The following RHBDD1 variants were observed in gnomAD, a reference collection of about 807,000 sequenced individuals.
The protein encoded by RHBDD1 is rhomboid domain containing 1.
In RHBDD1, 38 loss-of-function variants were observed where a neutral mutation model predicts 36.3. That is an observed-to-expected ratio of 1.05 (90% confidence interval 0.81 to 1.37). The LOEUF is 1.37. RHBDD1 is among the 40% of genes most tolerant of loss of function. RHBDD1 has a pLI of 0.00. For synonymous variants in RHBDD1, 151 were observed against 136.5 expected, an observed-to-expected ratio of 1.11 and a Z score of -0.74; for missense variants, 393 against 377.6, an observed-to-expected ratio of 1.04 and a Z score of -0.34.
At chr2:226,895,702 A>G in intron 5 of RHBDD1, 1 of 984,840 alleles carries the variant, frequency 1.0e-6, no homozygotes, top group Non-Finnish European at 1.2e-6. Context: ...AAAGAAGCTT[A>G]GTAATACTGC....
intron 5 of RHBDD1, chr2:226,867,723 AT>A: frequency 1.1e-6 from 1 of 896,246 alleles, no homozygotes; most frequent in African/African-American, 1.8e-5. Context: ...TATTATTATT[AT>A]TCTTTTTTTT....
intron 3 of RHBDD1, among the ~76,000 whole-genome samples, chr2:226,863,090 G>A (rs1447868752): frequency 1.3e-5 from 2 of 152,220 alleles, no homozygotes; most frequent in Admixed American, 6.5e-5. Flanking sequence ...GCTCATGCCT[G>A]TAATCCCAGC....
intron 8 of RHBDD1, among the ~76,000 whole-genome samples, chr2:226,990,904 G>GC (rs1958044053): frequency 6.6e-6 from 1 of 152,178 alleles, no homozygotes; most frequent in African/African-American, 2.4e-5. Context: ...GTTCTTTGGA[G>GC]CAGGGCCGTT....
intron 5 of RHBDD1, among the ~76,000 whole-genome samples, chr2:226,876,159 T>C (rs1945222257): frequency 6.6e-6 from 1 of 152,172 alleles, no homozygotes; most frequent in African/African-American, 2.4e-5. Context: ...ATGCTTGTAG[T>C]CAGAATGGAC....
intron 3 of RHBDD1, among the ~76,000 whole-genome samples, chr2:226,850,377 A>C (rs1942689864): frequency 6.6e-6 from 1 of 152,204 alleles, no homozygotes; most frequent in African/African-American, 2.4e-5. Context: ...GGTTTCAGAG[A>C]GGTCTTTTAG....
the RHBDD1 span, chr2:226,808,401 C>T: frequency 1.3e-5 from 2 of 152,154 alleles, no homozygotes; most frequent in African/African-American, 4.8e-5. Flanking sequence ...TTCTATGGGC[C>T]AGGAATTCAG....
intron 8 of RHBDD1, among the ~76,000 whole-genome samples, chr2:226,950,791 C>T (rs1951365758): frequency 6.6e-6 from 1 of 152,170 alleles, no homozygotes; most frequent in African/African-American, 2.4e-5. Context: ...TGAGAGATGT[C>T]TGTTCAGGTC....
At chr2:226,963,205 A>T (rs1037850923) in intron 8 of RHBDD1, among the ~76,000 whole-genome samples, 13 of 152,010 alleles carry the variant, frequency 8.6e-5, no homozygotes, top group Admixed American at 2.0e-4. Context: ...ATCCAGTAAA[A>T]CTTCTATATA....
rs1460125977 is a variant in RHBDD1, at chr2:226,998,999, G to A, written c.*3477G>A. ...GATCCTCCTCATCCAGCCCCCATCT[G>A]AATCCTGTAACAGACACAACCACAT... On this transcript the variant is annotated 3_prime_UTR_variant, in exon 9 of 9. Coordinates refer to ENST00000392062, the MANE Select transcript of RHBDD1 (RefSeq NM_001167608.3). The A allele has an allele frequency of 1.3e-5, 2 of 149,948 alleles. No homozygotes were observed. The highest frequency in any genetic ancestry group is 4.9e-5 in the African/African-American group (2 of 40,574). The allele number at this position is 149,948 out of a possible 1,614,324, so 9.3% of individuals were successfully genotyped here. A position where few individuals can be genotyped will look rare whatever the true frequency, so the allele number is the denominator to read the frequency against.
chr2:226,989,949 G>A (rs1451125890), intron 8 of RHBDD1, among the ~76,000 whole-genome samples: 2 of 152,182 alleles, frequency 1.3e-5, no homozygotes, highest in Non-Finnish European at 2.9e-5. Flanking sequence ...AATCTCCACT[G>A]TTGCAGTCTT....
At chr2:226,987,428 C>G (rs554576137) in intron 8 of RHBDD1, among the ~76,000 whole-genome samples, 3 of 152,326 alleles carry the variant, frequency 2.0e-5, no homozygotes, top group Admixed American at 6.5e-5. Flanking sequence ...ATGGCTGCTT[C>G]TGTGCCCAGC....
In RHBDD1 at chr2:226,996,476, C is replaced by T. The variant is rs1266454547; in HGVS notation, c.*954C>T. The T allele has an allele frequency of 2.6e-5, 4 of 152,218 alleles. No individual in the cohort carries two copies. Among genetic ancestry groups the T allele is most frequent in the Non-Finnish European group, 5.9e-5 (4 of 68,052 alleles). 9.4% of individuals were successfully genotyped at this position (152,218 alleles called of 1,614,324 possible). ...CAATCCACAGATTGTCTGTCTGAGT[C>T]GTTTAAGGCATTTCCTGGTGCTTGT... On this transcript the variant is annotated 3_prime_UTR_variant, in exon 9 of 9. Coordinates refer to ENST00000392062, the MANE Select transcript of RHBDD1 (RefSeq NM_001167608.3).
the RHBDD1 span, among the ~76,000 whole-genome samples, chr2:226,816,012 T>G: frequency 6.6e-6 from 1 of 152,230 alleles, no homozygotes; most frequent in South Asian, 2.1e-4. Context: ...ATGATGCTGA[T>G]AGCATGTCTG....
At chr2:226,839,073 C>G (rs1284577969) in intron 2 of RHBDD1, among the ~76,000 whole-genome samples, 1 of 152,112 alleles carries the variant, frequency 6.6e-6, no homozygotes, top group East Asian at 1.9e-4. Context: ...TTCTTAATAG[C>G]AAAGTGAAAA....
At chr2:226,856,885 A>C (rs1943381150) in intron 3 of RHBDD1, among the ~76,000 whole-genome samples, 1 of 152,170 alleles carries the variant, frequency 6.6e-6, no homozygotes, top group Non-Finnish European at 1.5e-5. Context: ...AAATAATTGC[A>C]CAGAATTTGC....
chr2:226,951,082 A>C (rs1382280216), intron 8 of RHBDD1, among the ~76,000 whole-genome samples: 1 of 152,120 alleles, frequency 6.6e-6, no homozygotes, highest in East Asian at 1.9e-4. Flanking sequence ...ATTTTCTTCT[A>C]GTAGGTTTAC....
intron 8 of RHBDD1, among the ~76,000 whole-genome samples, chr2:226,965,757 C>T (rs1370768768): frequency 6.6e-6 from 1 of 152,050 alleles, no homozygotes; most frequent in Non-Finnish European, 1.5e-5. Context: ...GCCCTGTTGA[C>T]TTTTAGGGAT....
intron 8 of RHBDD1, among the ~76,000 whole-genome samples, chr2:226,941,781 T>C (rs1285742284): frequency 6.6e-6 from 1 of 152,212 alleles, no homozygotes; most frequent in East Asian, 1.9e-4. Flanking sequence ...GTTATATCCA[T>C]GCACATACCC....
intron 8 of RHBDD1, among the ~76,000 whole-genome samples, chr2:226,975,265 A>G (rs1954359793): frequency 6.6e-6 from 1 of 152,130 alleles, no homozygotes; most frequent in Non-Finnish European, 1.5e-5. Context: ...TGATTGTGGT[A>G]CTCATTTCAC....
Sources: gnomAD v4.1 joint callset for allele counts (sites outside exome capture counted in the v4.1 genomes callset) on GRCh38, gnomAD v4.1.1 for gene constraint, MANE v1.5 for transcripts, NCBI Gene and HGNC (gene_info 2026-07-23, HGNC 2026-07-21) for gene names.